The following MESD variants were observed in gnomAD, a reference collection of about 807,000 sequenced individuals.
The protein encoded by MESD is mesoderm development LRP chaperone.
MESD carries 7 observed loss-of-function variants against 12.9 expected under a neutral mutation model. The ratio of observed to expected loss-of-function variants is 0.54; its 90% confidence interval spans 0.31 to 1.02. MESD has a LOEUF of 1.02. Ranked by LOEUF, MESD falls within the 50% of genes least tolerant of loss-of-function variation. The pLI is 0.05. For synonymous variants in MESD, 126 were observed against 115.6 expected, an observed-to-expected ratio of 1.09 and a Z score of -0.58; for missense variants, 342 against 296.7, an observed-to-expected ratio of 1.15 and a Z score of -1.12.
chr15:80,979,195 C>T lies in MESD; in HGVS notation c.*24G>A, dbSNP rs777681174. On this transcript the variant is annotated 3_prime_UTR_variant, in exon 3 of 3. Transcript: ENST00000261758. ...GAGCTCTCCACGTCCACCTGTCCCCCCACAGCGCGTCACTGCTGCCCCATC... is the reference window on the plus strand; with the variant it reads ...GAGCTCTCCACGTCCACCTGTCCCCTCACAGCGCGTCACTGCTGCCCCATC... The T allele has an allele frequency of 6.2e-7, 1 of 1,603,692 alleles. No homozygotes were observed. Among genetic ancestry groups the T allele is most frequent in the Non-Finnish European group, 8.5e-7 (1 of 1,174,428 alleles).
At chr15:80,985,141 C>G (rs1221932939) in intron 1 of MESD, among the ~76,000 whole-genome samples, 1 of 152,242 alleles carries the variant, frequency 6.6e-6, no homozygotes, top group Non-Finnish European at 1.5e-5. Context: ...TTCTTCCTCA[C>G]TTTGCTTTCA....
rs1248925834 is a variant in MESD at position 80,977,264 on chromosome 15, C to G, written c.*1955G>C. ...CTGGTCAGGGAAGATTCTACCTCCCCCTACCCTGCCCCTTTCATACTTCTA... is the reference window on the plus strand; with the variant it reads ...CTGGTCAGGGAAGATTCTACCTCCCGCTACCCTGCCCCTTTCATACTTCTA... On this transcript the variant is annotated 3_prime_UTR_variant, in exon 3 of 3. Transcript: ENST00000261758. 6.6e-6 allele frequency: 1 copy of G among 152,294 alleles called. No individual in the cohort carries two copies. The highest frequency in any genetic ancestry group is 1.9e-4 in the East Asian group (1 of 5,200). The allele number at this position is 152,294 out of a possible 1,614,324, so 9.4% of individuals were successfully genotyped here.
At chr15:80,983,229 C>A (rs73507451) in intron 1 of MESD, among the ~76,000 whole-genome samples, 2 of 150,246 alleles carry the variant, frequency 1.3e-5, no homozygotes, top group Admixed American at 1.3e-4. Context: ...GGAGACAGAA[C>A]GAGACCCTGT....
At chr15:80,967,039 T>C (rs961860580) in intron 3 of MESD, among the ~76,000 whole-genome samples, 3 of 152,208 alleles carry the variant, frequency 2.0e-5, no homozygotes, top group Non-Finnish European at 2.9e-5. Flanking sequence ...ACTCCTGTAA[T>C]CCTAGCACTT....
chr15:80,952,179 C>A, exon 4 of MESD: 2 of 456,180 alleles, frequency 4.4e-6, no homozygotes. Context: ...GGAGGCCAAA[C>A]ACGTTTGACA....
chr15:80,985,638 G>GTTTTT (rs1902707816), intron 1 of MESD, among the ~76,000 whole-genome samples: 6 of 103,512 alleles, frequency 5.8e-5, no homozygotes, highest in African/African-American at 1.2e-4. Context: ...GTCCCAAGCA[G>GTTTTT]CTTTTTTTTT....
Position 80,954,145 on chromosome 15 carries a change from A to G in MESD, c.*289-1849T>C, listed in dbSNP as rs149539933. On this transcript the variant is annotated intron_variant, in intron 3 of 4. Transcript: ENST00000561312. The stretch of plus-strand genomic sequence containing the variant: ...CATGTTCCAGGGCGTAGCTCCACAC[A>G]AAGCCTTCTCTGACCCATGCCTGGC... 8.5e-5 allele frequency among the ~76,000 whole-genome samples: 13 copies of G among 152,202 alleles called. No individual in the cohort carries two copies. The East Asian group carries it at 2.1e-3, about 25-fold the overall frequency.
Position 80,979,306 on chromosome 15 carries a change from G to C in MESD, c.618C>G (p.Asp206Glu). 6.2e-7 allele frequency: 1 copy of C among 1,612,996 alleles called. No homozygotes were observed. Among genetic ancestry groups the C allele is most frequent in the African/African-American group, 1.3e-5 (1 of 74,864 alleles). Residue 206 changes from aspartate (D) to glutamate (E), a missense_variant, in exon 3 of 3, where the codon GAC becomes GAG. Asp to Glu is a conservative substitution (Grantham distance 45). Transcript: ENST00000261758. ...CTCCTTCCTTCTTTTTTTTGCCCTT[G>C]TCTTGCTTTGTTTTATTTTTCTCTT... The part of the protein sequence containing the change: ...GSKEKNKTKQ[D>E]KGKKKKEGDL...
chr15:80,952,299 G>A (rs1256644407), intron 3 of MESD: 9 of 450,738 alleles, frequency 2.0e-5, no homozygotes, highest in Admixed American at 1.7e-4. Flanking sequence ...TCAGGGGTCT[G>A]GAAGGGAGAG....
At chr15:80,969,185 A>T (rs922361325) in intron 3 of MESD, among the ~76,000 whole-genome samples, 1 of 152,032 alleles carries the variant, frequency 6.6e-6, no homozygotes, top group Non-Finnish European at 1.5e-5. Context: ...GTGAGACCCT[A>T]ACTGAAAATA....
downstream of MESD, chr15:80,946,639 G>A (rs1046951092): frequency 2.8e-5 from 10 of 351,490 alleles, no homozygotes; most frequent in East Asian, 1.2e-4. Context: ...ACTGTGTGCC[G>A]AGCCCTGGCA....
chr15:80,955,398 G>A (rs1266257743), intron 3 of MESD, among the ~76,000 whole-genome samples: 1 of 149,610 alleles, frequency 6.7e-6, no homozygotes, highest in Non-Finnish European at 1.5e-5. Flanking sequence ...GCTGAGGCAG[G>A]AGAATGGCGT....
rs551196288 is a variant in MESD, at chr15:80,964,313, T to G, written c.*289-12017A>C. On this transcript the variant is annotated intron_variant, in intron 3 of 4. Transcript: ENST00000561312. ...AGGAGAACTACAAACCACTGCTCAA[T>G]GAAATAAAAGAGGACACAAACAAAT... 5.9e-5 allele frequency among the ~76,000 whole-genome samples: 9 copies of G among 152,086 alleles called. No homozygotes were observed. In the South Asian group the frequency reaches 1.9e-3, roughly 32 times the overall value.
intron 2 of MESD, 146 bp from the exon 3 acceptor site, chr15:80,979,623 C>T (rs954963168): frequency 1.1e-6 from 1 of 886,076 alleles, no homozygotes; most frequent in African/African-American, 1.7e-5. Context: ...CTAGCAGCTA[C>T]TGATATCTCA....
In MESD at chr15:80,978,243, G is replaced by C. The variant is rs944367081; in HGVS notation, c.*976C>G. On this transcript the variant is annotated 3_prime_UTR_variant, in exon 3 of 3. Coordinates refer to ENST00000261758, the MANE Select transcript of MESD (RefSeq NM_015154.3). ...TTAATTTATTAAAATCACAATTGAG[G>C]GTTTTTCCCAAAGAATTTTAGTTCT... is the stretch of plus-strand genomic sequence containing the variant. 5 of 151,894 alleles carry C rather than the reference G, an allele frequency of 3.3e-5. No individual in the cohort carries two copies. Among genetic ancestry groups the C allele is most frequent in the African/African-American group, 1.2e-4 (5 of 41,334 alleles). 9.4% of individuals were successfully genotyped at this position (151,894 alleles called of 1,614,324 possible). A position where few individuals can be genotyped will look rare whatever the true frequency, so the allele number is the denominator to read the frequency against.
At chr15:80,971,358 A>G (rs572736982), downstream of MESD, among the ~76,000 whole-genome samples, 32 of 152,118 alleles carry the variant, frequency 2.1e-4, 1 homozygote, top group South Asian at 6.6e-3. Context: ...AATGACAAAG[A>G]CCCCTCCTTA....
rs1394664929 is a variant in MESD, at chr15:80,982,141, C to CT, written c.254dup (p.Arg86GlufsTer17). ...AGAAGTCGACAGGTGCTGAAGGTCTCTTGTGCTCTGGAAGATCTCCTTCTT... is the reference window on the plus strand; with the variant it reads ...AGAAGTCGACAGGTGCTGAAGGTCTCTTTGTGCTCTGGAAGATCTCCTTCTT... On this transcript the variant is annotated frameshift_variant, in exon 2 of 3. Transcript: ENST00000261758. LOFTEE classifies it high-confidence loss of function. 2 of 1,614,050 alleles carry CT rather than the reference C, an allele frequency of 1.2e-6. No individual in the cohort carries two copies. Among genetic ancestry groups the CT allele is most frequent in the Non-Finnish European group, 1.7e-6 (2 of 1,180,022 alleles).
In MESD at chr15:80,977,394, T is replaced by C. The variant is rs572476014; in HGVS notation, c.*1825A>G. The C allele has an allele frequency of 6.6e-6, 1 of 152,340 alleles. No individual in the cohort carries two copies. The highest frequency in any genetic ancestry group is 1.9e-4 in the East Asian group (1 of 5,188). 9.4% of individuals were successfully genotyped at this position (152,340 alleles called of 1,614,324 possible). ...GTATCTACACCGTCCTGGCACCTTG[T>C]AGTACCTAGTACATAACAGACACAC... On this transcript the variant is annotated 3_prime_UTR_variant, in exon 3 of 3. Transcript: ENST00000261758.
chr15:80,954,802 C>T (rs774871363), intron 3 of MESD, among the ~76,000 whole-genome samples: 9 of 152,356 alleles, frequency 5.9e-5, no homozygotes, highest in Admixed American at 2.6e-4. Flanking sequence ...TGCAGCCCAA[C>T]GCTAATTTGT....
Sources: gnomAD v4.1 joint callset for allele counts (sites outside exome capture counted in the v4.1 genomes callset) on GRCh38, gnomAD v4.1.1 for gene constraint, MANE v1.5 for transcripts, NCBI Gene and HGNC (gene_info 2026-07-23, HGNC 2026-07-21) for gene names.